The following NUP93 variants were observed in gnomAD, a reference collection of about 807,000 sequenced individuals.
The protein encoded by NUP93 is nuclear pore complex protein Nup93.
NUP93 carries 55 observed loss-of-function variants against 107.8 expected under a neutral mutation model. The observed-to-expected ratio is 0.51, with a 90% confidence interval of 0.41 to 0.64. The LOEUF is 0.64. Ranked by LOEUF, NUP93 falls within the 30% of genes least tolerant of loss-of-function variation. NUP93 has a pLI of 0.00. For missense variants in NUP93, 937 were observed against 1,044.7 expected (o/e 0.90, Z 1.42); for synonymous variants, 390 against 397.5 (o/e 0.98, Z 0.22).
chr16:56,812,488 C>T (rs566028214), intron 5 of NUP93, among the ~76,000 whole-genome samples: 10 of 152,170 alleles, frequency 6.6e-5, no homozygotes, highest in Admixed American at 2.6e-4. Flanking sequence ...GGACTACAGG[C>T]GCCCGCAACC....
At position 56,834,249 on chromosome 16, in the gene NUP93, C is replaced by T; in HGVS notation, c.1659C>T (p.Phe553=). The change falls in exon 14 of 22, where the codon TTC becomes TTT. Residue 553 remains phenylalanine, a synonymous_variant. Transcript: ENST00000308159. ...GGGAGGCCCTCCAGTACTTCTATTTCCTCAGGTAACATTTGCTTTTGACCA... is the reference window on the plus strand; with the variant it reads ...GGGAGGCCCTCCAGTACTTCTATTTTCTCAGGTAACATTTGCTTTTGACCA... ...DPREALQYFY[F]LRDEKDSQGE... is the part of the protein sequence containing the mutation. 1 of 1,614,056 alleles carries T rather than the reference C, an allele frequency of 6.2e-7. No homozygotes were observed. Among genetic ancestry groups the T allele is most frequent in the Non-Finnish European group, 8.5e-7 (1 of 1,179,918 alleles).
intron 5 of NUP93, among the ~76,000 whole-genome samples, chr16:56,815,902 C>CTGCTGCTGCTGCTGG (rs1555495763): frequency 0.02 from 2,668 of 133,108 alleles, 52 homozygotes; most frequent in South Asian, 0.052. Flanking sequence ...GCTGCTGGTG[C>CTGCTGCTGCTGCTGG]TGCTGCTGCT....
intron 8 of NUP93, among the ~76,000 whole-genome samples, chr16:56,827,976 T>C (rs1216588748): frequency 2.0e-5 from 3 of 152,016 alleles, no homozygotes; most frequent in Admixed American, 2.0e-4. Flanking sequence ...GAAAATTAGC[T>C]GGGCGTGGTG....
intron 3 of NUP93, among the ~76,000 whole-genome samples, chr16:56,776,785 G>A (rs1962423530): frequency 6.6e-6 from 1 of 152,194 alleles, no homozygotes; most frequent in Admixed American, 6.5e-5. Context: ...TCTCTGTAAG[G>A]AAACAAGAAA....
At chr16:56,787,268 G>T (rs779058390) in intron 3 of NUP93, among the ~76,000 whole-genome samples, 2 of 152,236 alleles carry the variant, frequency 1.3e-5, no homozygotes, top group Admixed American at 6.5e-5. Flanking sequence ...TGACAGATCT[G>T]TGATGATTGG....
chr16:56,754,492 A>G (rs1424271791), intron 2 of NUP93, among the ~76,000 whole-genome samples: 3 of 152,222 alleles, frequency 2.0e-5, no homozygotes, highest in Admixed American at 6.5e-5. Flanking sequence ...ACCAAAAACA[A>G]GTTAGTTACC....
At chr16:56,805,165 C>T (rs1304697569) in intron 4 of NUP93, among the ~76,000 whole-genome samples, 1 of 152,010 alleles carries the variant, frequency 6.6e-6, no homozygotes, top group African/African-American at 2.4e-5. Context: ...TCAAGTGATC[C>T]TCCCACCTCA....
chr16:56,789,784 A>C (rs1376610203), intron 3 of NUP93, among the ~76,000 whole-genome samples: 1 of 152,246 alleles, frequency 6.6e-6, no homozygotes, highest in Non-Finnish European at 1.5e-5. Flanking sequence ...AACAATTTAA[A>C]GTATTAAAAT....
chr16:56,795,103 G>A (rs1205478047), intron 3 of NUP93, among the ~76,000 whole-genome samples: 1 of 151,834 alleles, frequency 6.6e-6, no homozygotes, highest in Non-Finnish European at 1.5e-5. Context: ...TGAGGCAGTG[G>A]TAATCCCCTC....
intron 16 of NUP93, among the ~76,000 whole-genome samples, chr16:56,835,241 A>G (rs901127915): frequency 3.5e-4 from 53 of 152,320 alleles, no homozygotes; most frequent in African/African-American, 1.2e-3. Context: ...GAGGGATTTC[A>G]GGACTCACTA....
At chr16:56,773,643 C>T (rs891637925) in intron 3 of NUP93, among the ~76,000 whole-genome samples, 23 of 152,208 alleles carry the variant, frequency 1.5e-4, no homozygotes, top group African/African-American at 3.1e-4. Flanking sequence ...TCAGGCTCCC[C>T]GCAGACCTAT....
chr16:56,772,264 C>G (rs1027016587), intron 3 of NUP93, among the ~76,000 whole-genome samples: 1 of 152,088 alleles, frequency 6.6e-6, no homozygotes, highest in Non-Finnish European at 1.5e-5. Flanking sequence ...TGTGAAAACA[C>G]GGCTGTTAGA....
intron 3 of NUP93, among the ~76,000 whole-genome samples, chr16:56,772,432 G>A (rs970021029): frequency 6.6e-6 from 1 of 152,150 alleles, no homozygotes; most frequent in African/African-American, 2.4e-5. Flanking sequence ...TGATGGATTC[G>A]TTGAGTAAAT....
At chr16:56,826,470 C>T (rs930847565) in intron 8 of NUP93, among the ~76,000 whole-genome samples, 27 of 146,080 alleles carry the variant, frequency 1.8e-4, no homozygotes, top group Admixed American at 2.1e-4. Flanking sequence ...GAGCCGAGAT[C>T]GTGCCACTGC....
At chr16:56,829,247 A>G (rs994646967) in intron 9 of NUP93, 138 bp downstream of exon 9, 1 of 1,082,916 alleles carries the variant, frequency 9.2e-7, no homozygotes, top group Non-Finnish European at 1.3e-6. Context: ...GACAGAAGGT[A>G]AAGACCTCTT....
chr16:56,835,486 G>A (rs1357021762), intron 16 of NUP93, among the ~76,000 whole-genome samples: 1 of 152,236 alleles, frequency 6.6e-6, no homozygotes, highest in African/African-American at 2.4e-5. Flanking sequence ...CTTGCTTATT[G>A]GGCAGTGACA....
At chr16:56,838,927 C>A in intron 18 of NUP93, 25 bp from the exon 19 acceptor site, 1 of 1,511,984 alleles carries the variant, frequency 6.6e-7, no homozygotes, top group Non-Finnish European at 9.2e-7. Flanking sequence ...ACTCTTACTA[C>A]CCCCACCCCG....
intron 3 of NUP93, 56 bp downstream of exon 3, chr16:56,758,711 C>G: frequency 8.1e-7 from 1 of 1,232,904 alleles, no homozygotes; most frequent in Non-Finnish European, 1.2e-6. Flanking sequence ...GCTGAAGACC[C>G]TGGCCCTTTA....
intron 3 of NUP93, among the ~76,000 whole-genome samples, chr16:56,793,190 G>C (rs568305074): frequency 6.6e-6 from 1 of 152,282 alleles, no homozygotes; most frequent in Admixed American, 6.5e-5. Context: ...GTCAGGCAAG[G>C]GTCTGTTTCA....
Sources: allele counts gnomAD v4.1 joint callset (sites outside exome capture counted in the v4.1 genomes callset), GRCh38; gene constraint gnomAD v4.1.1; transcripts MANE v1.5; gene names NCBI Gene and HGNC (gene_info 2026-07-23, HGNC 2026-07-21).